ADGRA3: variants seen among roughly 807,000 people sequenced by gnomAD.
ADGRA3 encodes the protein G-protein coupled receptor 125.
Under a neutral mutation model 119.8 loss-of-function variants are expected in ADGRA3, and 56 were observed. The observed-to-expected ratio is 0.47, with a 90% CI of 0.38 to 0.58. The LOEUF is 0.58. Ranked by LOEUF, ADGRA3 falls within the 20% of genes least tolerant of loss-of-function variation. ADGRA3 has a pLI of 0.00. For synonymous variants in ADGRA3, 607 were observed against 623.8 expected (o/e 0.97, Z 0.40); for missense variants, 1,516 against 1,649.0 (o/e 0.92, Z 1.40).
intron 1 of ADGRA3, among the ~76,000 whole-genome samples, chr4:22,491,210 ATTCACGAGAAG>A (rs745331151): frequency 6.6e-5 from 10 of 152,216 alleles, no homozygotes; most frequent in Non-Finnish European, 1.3e-4. Context: ...GGCTGTTAAA[ATTCACGAGAAG>A]AGTAATAAAA....
intron 12 of ADGRA3, among the ~76,000 whole-genome samples, chr4:22,416,707 G>A (rs1007197424): frequency 3.9e-5 from 6 of 152,076 alleles, no homozygotes; most frequent in African/African-American, 1.4e-4. Context: ...ATCATGTTTT[G>A]ACTTCTACCA....
intron 1 of ADGRA3, among the ~76,000 whole-genome samples, chr4:22,482,549 T>TG (rs1440026384): frequency 6.6e-6 from 1 of 151,398 alleles, no homozygotes; most frequent in African/African-American, 2.4e-5. Context: ...CATGTAGTCC[T>TG]GGCTCCTTGG....
rs547283326 is a variant in ADGRA3, at chr4:22,490,618, C to T, written c.258-16775G>A. Reference sequence around the variant, plus strand: ...ACAAGTGTACACTAAGTGTTAAGTGCTACAAGAGGGATATGTAACTGAATC... The same window carrying T: ...ACAAGTGTACACTAAGTGTTAAGTGTTACAAGAGGGATATGTAACTGAATC... On this transcript the variant is annotated intron_variant, in intron 1 of 18. Coordinates refer to ENST00000334304, the MANE Select transcript of ADGRA3 (RefSeq NM_145290.4). 8.5e-5 allele frequency among the ~76,000 whole-genome samples: 13 copies of T among 152,210 alleles called. No individual in the cohort carries two copies. In the East Asian group the frequency reaches 2.3e-3, roughly 27 times the overall value.
chr4:22,430,821 T>C (rs1716134468), intron 10 of ADGRA3, among the ~76,000 whole-genome samples: 1 of 36,164 alleles, frequency 2.8e-5, no homozygotes, highest in African/African-American at 6.5e-5. Context: ...TGTGATGGTT[T>C]CATAGGCTGG....
At chr4:22,405,928 T>C (rs1048229450) in intron 14 of ADGRA3, among the ~76,000 whole-genome samples, 1 of 152,194 alleles carries the variant, frequency 6.6e-6, no homozygotes, top group African/African-American at 2.4e-5. Flanking sequence ...CTGTACTTGG[T>C]TGTACTCATT....
At chr4:22,504,369 C>T (rs750729817) in intron 1 of ADGRA3, among the ~76,000 whole-genome samples, 7 of 152,152 alleles carry the variant, frequency 4.6e-5, no homozygotes, top group Non-Finnish European at 1.0e-4. Context: ...GGTTCAGTTT[C>T]GCAGCCTGAC....
Position 22,424,360 on chromosome 4 carries a change from G to T in ADGRA3, c.1444-8C>A. Reference sequence around the variant, plus strand: ...AACCATCACGTCACCTAGCTAGCAGGGGTTCAGGAGAAAAAAGAAAGATCT... The same window carrying T: ...AACCATCACGTCACCTAGCTAGCAGTGGTTCAGGAGAAAAAAGAAAGATCT... On this transcript the variant is annotated splice_polypyrimidine_tract_variant and splice_region_variant and intron_variant, in intron 10 of 18. Coordinates refer to ENST00000334304, the MANE Select transcript of ADGRA3 (RefSeq NM_145290.4). 1.2e-6 allele frequency: 2 copies of T among 1,605,634 alleles called. No homozygotes were observed. Among genetic ancestry groups the T allele is most frequent in the Non-Finnish European group, 1.7e-6 (2 of 1,175,260 alleles).
At chr4:22,475,832 C>T (rs1033819088) in intron 1 of ADGRA3, among the ~76,000 whole-genome samples, 3 of 152,088 alleles carry the variant, frequency 2.0e-5, no homozygotes, top group African/African-American at 4.8e-5. Flanking sequence ...GCAGTGTATA[C>T]TGCTCGGGTG....
intron 4 of ADGRA3, among the ~76,000 whole-genome samples, chr4:22,451,626 T>A (rs1051280296): frequency 2.0e-5 from 3 of 146,520 alleles, no homozygotes; most frequent in Non-Finnish European, 3.0e-5. Flanking sequence ...AAAAAAAAAA[T>A]TATTAAATTT....
intron 3 of ADGRA3, among the ~76,000 whole-genome samples, chr4:22,458,912 C>A (rs1553878090): frequency 6.6e-6 from 1 of 152,074 alleles, no homozygotes; most frequent in South Asian, 2.1e-4. Flanking sequence ...TTCTAATGAG[C>A]GCAGACAGAC....
chr4:22,414,012 A>T (rs766903929), intron 12 of ADGRA3, 198 bp from the exon 13 acceptor site: 2 of 447,302 alleles, frequency 4.5e-6, no homozygotes, highest in African/African-American at 4.2e-5. Flanking sequence ...AAAGAAGTAT[A>T]AAACAGAAAT....
chr4:22,387,906 C>G lies in ADGRA3; in HGVS notation c.3765G>C (p.Lys1255Asn). ...TLPKSSRNFEKPVSTTSKKDA... is the reference protein window; with the variant it reads ...TLPKSSRNFENPVSTTSKKDA... ...CTTTTTTACTAGTGGTTGAAACTGG[C>G]TTTTCAAAATTTCTGCTACTTTTGG... Residue 1255 changes from lysine to asparagine, a missense_variant, in exon 19 of 19, where the codon AAG (lysine) becomes AAC (asparagine). Transcript: ENST00000334304. 1 of 1,614,156 alleles carries G rather than the reference C, an allele frequency of 6.2e-7. No homozygotes were observed. Among genetic ancestry groups the G allele is most frequent in the Non-Finnish European group, 8.5e-7 (1 of 1,180,018 alleles).
intron 2 of ADGRA3, among the ~76,000 whole-genome samples, chr4:22,462,229 C>T (rs1043321749): frequency 1.3e-5 from 2 of 152,158 alleles, no homozygotes; most frequent in Non-Finnish European, 2.9e-5. Flanking sequence ...AAAATATACA[C>T]TCTAAAATTC....
At chr4:22,512,867 C>T (rs925383216) in intron 1 of ADGRA3, among the ~76,000 whole-genome samples, 12 of 151,876 alleles carry the variant, frequency 7.9e-5, no homozygotes, top group African/African-American at 2.7e-4. Flanking sequence ...AACACACAGT[C>T]CAAACTTCAA....
At chr4:22,508,194 C>T (rs973180518) in intron 1 of ADGRA3, among the ~76,000 whole-genome samples, 4 of 152,144 alleles carry the variant, frequency 2.6e-5, no homozygotes, top group Non-Finnish European at 5.9e-5. Flanking sequence ...ACACTAATAG[C>T]TACCTGGGTT....
intron 1 of ADGRA3, among the ~76,000 whole-genome samples, chr4:22,475,629 A>C (rs945384619): frequency 2.6e-5 from 4 of 152,076 alleles, no homozygotes; most frequent in Admixed American, 2.6e-4. Flanking sequence ...CGGGAGGCTG[A>C]CGCAGGAGAA....
In ADGRA3 at chr4:22,387,790, C is replaced by T. The variant is rs770969743; in HGVS notation, c.3881G>A (p.Ser1294Asn). The change falls in exon 19 of 19, where the codon AGC becomes AAC. Residue 1294 changes from serine to asparagine, a missense_variant. By Grantham distance (46) the Ser-to-Asn change is conservative. Coordinates refer to ENST00000334304, the MANE Select transcript of ADGRA3 (RefSeq NM_145290.4). ...NLAIQNGPIK[S>N]NGQEGPLLGT... ...GAGCAAGGGTCCCTCCTGCCCATTG[C>T]TTTTAATTGGTCCATTCTGAATGGC... 6.2e-7 allele frequency: 1 copy of T among 1,614,120 alleles called. No individual in the cohort carries two copies. Among genetic ancestry groups the T allele is most frequent in the South Asian group, 1.1e-5 (1 of 91,080 alleles).
intron 3 of ADGRA3, among the ~76,000 whole-genome samples, chr4:22,456,323 G>A (rs1717235748): frequency 6.6e-6 from 1 of 152,162 alleles, no homozygotes; most frequent in African/African-American, 2.4e-5. Context: ...GGGGAGATTG[G>A]TGCGGGAGTC....
chr4:22,446,338 T>C (rs1716826825), intron 5 of ADGRA3, among the ~76,000 whole-genome samples: 1 of 152,198 alleles, frequency 6.6e-6, no homozygotes, highest in South Asian at 2.1e-4. Context: ...ATGAAAATAC[T>C]TCCCACGTTC....
Sources: allele counts gnomAD v4.1 joint callset (sites outside exome capture counted in the v4.1 genomes callset), GRCh38; gene constraint gnomAD v4.1.1; transcripts MANE v1.5; gene names NCBI Gene and HGNC (gene_info 2026-07-23, HGNC 2026-07-21).